VEZT: variants seen among roughly 807,000 people sequenced by gnomAD.
The protein encoded by VEZT is vezatin.
In VEZT, 39 loss-of-function variants were observed where a neutral mutation model predicts 79.9. That is an observed-to-expected ratio of 0.49 (90% confidence interval 0.38 to 0.64). The LOEUF (loss-of-function observed/expected upper bound fraction) is 0.64, where lower values mean the gene tolerates loss of function less well. Among genes scored for constraint, VEZT ranks in the 30% least tolerant of loss-of-function variants. The pLI, the probability that VEZT is intolerant of heterozygous loss-of-function variation, is 0.00. For missense variants in VEZT, 837 were observed against 893.1 expected (o/e 0.94, Z 0.80); for synonymous variants, 325 against 327.6 (o/e 0.99, Z 0.09).
At chr12:95,267,678 A>G (rs1237323846) in intron 5 of VEZT, among the ~76,000 whole-genome samples, 1 of 152,250 alleles carries the variant, frequency 6.6e-6, no homozygotes, top group Non-Finnish European at 1.5e-5. Flanking sequence ...TTCTACACAC[A>G]ATCCCAAGAC....
At chr12:95,293,742 G>A (rs1426130597) in intron 9 of VEZT, 2 of 155,772 alleles carry the variant, frequency 1.3e-5, no homozygotes, top group Non-Finnish European at 2.8e-5. Flanking sequence ...GAGAAGGGCA[G>A]GTCCTCTTCT....
intron 8 of VEZT, among the ~76,000 whole-genome samples, chr12:95,283,790 A>G (rs1157503796): frequency 6.6e-6 from 1 of 152,226 alleles, no homozygotes; most frequent in Admixed American, 6.5e-5. Context: ...AGGGTATTCC[A>G]GTGGTCTATA....
At chr12:95,272,478 G>A (rs1365716245) in intron 6 of VEZT, among the ~76,000 whole-genome samples, 1 of 152,166 alleles carries the variant, frequency 6.6e-6, no homozygotes, top group African/African-American at 2.4e-5. Flanking sequence ...TAAGTTGGAG[G>A]TTAGAGTATG....
chr12:95,226,232 C>G (rs769142859), intron 1 of VEZT, among the ~76,000 whole-genome samples: 3 of 151,994 alleles, frequency 2.0e-5, no homozygotes, highest in Non-Finnish European at 2.9e-5. Flanking sequence ...ATCTAGAATC[C>G]TAGCTGCAAG....
chr12:95,227,298 C>G lies in VEZT; in HGVS notation c.36+9412C>G, dbSNP rs540217121. ...ATCTCAGCCTCCCAAGTAGCTGGGA[C>G]TACAGGCATGTGCCATCATGCCCTA... On this transcript the variant is annotated intron_variant, in intron 1 of 11. Coordinates refer to ENST00000436874, the MANE Select transcript of VEZT (RefSeq NM_017599.4). Among the ~76,000 whole-genome samples the G allele has an allele frequency of 4.0e-5, 6 of 150,678 alleles. No homozygotes were observed. In the East Asian group the frequency reaches 9.8e-4, roughly 24 times the overall value.
At chr12:95,287,155 C>T (rs929958543) in intron 8 of VEZT, among the ~76,000 whole-genome samples, 2 of 152,056 alleles carry the variant, frequency 1.3e-5, no homozygotes, top group Non-Finnish European at 2.9e-5. Context: ...ATATGTAATA[C>T]TCTTTATAAG....
intron 9 of VEZT, among the ~76,000 whole-genome samples, chr12:95,289,089 A>AAAAT (rs55667589): frequency 0.014 from 1,381 of 101,610 alleles, 26 homozygotes; most frequent in East Asian, 0.033. Flanking sequence ...CTCAAAAAAA[A>AAAAT]AAATAAATAA....
intron 1 of VEZT, chr12:95,224,245 GT>G (rs1244250080): frequency 2.2e-6 from 1 of 455,682 alleles, no homozygotes; most frequent in African/African-American, 2.0e-5. Context: ...AGGTTTGGGT[GT>G]TTCTTGTCTG....
intron 1 of VEZT, among the ~76,000 whole-genome samples, chr12:95,234,661 T>G (rs2059760389): frequency 6.6e-6 from 1 of 152,022 alleles, no homozygotes; most frequent in Non-Finnish European, 1.5e-5. Context: ...GTTTTTTTTG[T>G]TTTTTATTTA....
intron 9 of VEZT, among the ~76,000 whole-genome samples, chr12:95,292,550 T>C (rs1467654119): frequency 6.8e-6 from 1 of 147,216 alleles, no homozygotes; most frequent in Admixed American, 6.8e-5. Flanking sequence ...TAACTGTAAT[T>C]TTTTTTTTTT....
At chr12:95,257,989 T>C (rs1013807596) in intron 3 of VEZT, among the ~76,000 whole-genome samples, 1 of 152,208 alleles carries the variant, frequency 6.6e-6, no homozygotes, top group Non-Finnish European at 1.5e-5. Context: ...ACTGAGTGAA[T>C]TGTCTAAAAA....
In VEZT at chr12:95,270,095, G is replaced by C; in HGVS notation, c.755G>C (p.Ser252Thr). Residue 252 changes from serine to threonine, a missense_variant, in exon 6 of 12, where the codon AGT (serine) becomes ACT (threonine). Physicochemically the swap from Ser to Thr is moderately conservative, Grantham distance 58. Transcript: ENST00000436874. ...TTTAATAAAGCTGGACAGCATCCAA[G>C]TCAGCATCTCATCGGTCTTCGGAAA... ...CPFNKAGQHP[S>T]QHLIGLRKAV... 2 of 1,611,962 alleles carry C rather than the reference G, an allele frequency of 1.2e-6. No individual in the cohort carries two copies. The highest frequency in any genetic ancestry group is 1.7e-6 in the Non-Finnish European group (2 of 1,179,070).
At chr12:95,244,372 C>G (rs2061451245) in intron 1 of VEZT, among the ~76,000 whole-genome samples, 1 of 152,060 alleles carries the variant, frequency 6.6e-6, no homozygotes, top group Non-Finnish European at 1.5e-5. Flanking sequence ...CAGAACGAGA[C>G]CCTGTTTCTA....
At position 95,268,477 on chromosome 12, in the gene VEZT, G is replaced by A. The variant is rs568893466; in HGVS notation, c.711-1574G>A. 3.9e-5 allele frequency among the ~76,000 whole-genome samples: 6 copies of A among 152,248 alleles called. No individual in the cohort carries two copies. In the East Asian group the frequency reaches 9.7e-4, roughly 25 times the overall value. ...CGCGCTACTGCACTCCAGCCTGGACGACAGAGCGAGACTCCGTTTCAAAAA... is the reference window on the plus strand; with the variant it reads ...CGCGCTACTGCACTCCAGCCTGGACAACAGAGCGAGACTCCGTTTCAAAAA... On this transcript the variant is annotated intron_variant, in intron 5 of 11. Transcript: ENST00000436874.
intron 6 of VEZT, among the ~76,000 whole-genome samples, chr12:95,272,971 C>T (rs559174985): frequency 2.2e-4 from 33 of 152,274 alleles, no homozygotes; most frequent in African/African-American, 6.3e-4. Flanking sequence ...TGGTCTCGAA[C>T]ACCTGGGCTC....
intron 1 of VEZT, among the ~76,000 whole-genome samples, chr12:95,228,091 T>A (rs1479120937): frequency 6.6e-6 from 1 of 152,246 alleles, no homozygotes; most frequent in Non-Finnish European, 1.5e-5. Context: ...TTGTCATGAT[T>A]TCTTTTTCTC....
At chr12:95,265,582 T>C (rs10859862) in intron 4 of VEZT, among the ~76,000 whole-genome samples, 39,699 of 151,384 alleles carry the variant, frequency 0.26, 5,491 homozygotes, top group African/African-American at 0.35. Context: ...GGATTCCATA[T>C]ATTTTTTATT....
At chr12:95,218,630 CATGT>C (rs2057088351) in intron 1 of VEZT, 1 of 152,150 alleles carries the variant, frequency 6.6e-6, no homozygotes, top group Admixed American at 6.5e-5. Context: ...ATGTGTATTG[CATGT>C]ATACGCTTTA....
chr12:95,282,665 A>G, intron 8 of VEZT, 21 bp downstream of exon 8: 1 of 1,551,104 alleles, frequency 6.4e-7, no homozygotes, highest in Non-Finnish European at 8.8e-7. Flanking sequence ...AAATTATACC[A>G]AGAAAGGTCT....
Sources: gnomAD v4.1 joint callset for allele counts (sites outside exome capture counted in the v4.1 genomes callset) on GRCh38, gnomAD v4.1.1 for gene constraint, MANE v1.5 for transcripts, NCBI Gene and HGNC (gene_info 2026-07-23, HGNC 2026-07-21) for gene names.